Variants in MED12L observed in about 807,000 individuals in gnomAD.
The protein encoded by MED12L is mediator of RNA polymerase II transcription subunit 12-like protein.
Under a neutral mutation model 281.3 loss-of-function variants are expected in MED12L, and 60 were observed. That is an observed-to-expected ratio of 0.21 (90% CI 0.17 to 0.26). The LOEUF is 0.26. Ranked by LOEUF, MED12L falls within the 10% of genes least tolerant of loss-of-function variation. The probability of loss-of-function intolerance (pLI) is 1.00; values close to 1 mark genes in which losing one functional copy is unlikely to be tolerated. For missense variants in MED12L, 2,146 were observed against 2,680.9 expected (o/e 0.80, Z 4.41); for synonymous variants, 974 against 987.2 (o/e 0.99, Z 0.25).
intron 16 of MED12L, chr3:151,340,547 C>G (rs561459975): frequency 6.6e-6 from 1 of 152,666 alleles, no homozygotes; most frequent in South Asian, 2.1e-4. Flanking sequence ...ACACACATAT[C>G]AGAGTGTAAA....
intron 2 of MED12L, among the ~76,000 whole-genome samples, chr3:151,087,892 GTT>G (rs146672788): frequency 1.4e-5 from 2 of 147,094 alleles, no homozygotes; most frequent in East Asian, 4.0e-4. Context: ...CCTTTTTTTT[GTT>G]TTTTTTTTGA....
chr3:151,120,291 G>A (rs1226383702), intron 3 of MED12L, among the ~76,000 whole-genome samples: 3 of 151,800 alleles, frequency 2.0e-5, no homozygotes, highest in South Asian at 2.1e-4. Flanking sequence ...CCTTGTTTGC[G>A]GGAGTACACA....
intron 16 of MED12L, chr3:151,214,425 T>C: frequency 2.1e-6 from 2 of 938,616 alleles, no homozygotes; most frequent in Admixed American, 2.4e-5. Context: ...GGGCAATGAA[T>C]ATAGTCAAAC....
At chr3:151,259,765 A>G (rs1411543488) in intron 16 of MED12L, among the ~76,000 whole-genome samples, 1 of 152,256 alleles carries the variant, frequency 6.6e-6, no homozygotes, top group African/African-American at 2.4e-5. Context: ...ACGAGCTCAT[A>G]GCATTTCCAA....
rs1023038760 is a variant in MED12L, at chr3:151,204,381, A to G, written c.2250+10715A>G. Reference sequence around the variant, plus strand: ...CTAAGGAGACTTTTGAAAAAAATGTAAAGATGCTTATGATGATATTGGTCA... The same window carrying G: ...CTAAGGAGACTTTTGAAAAAAATGTGAAGATGCTTATGATGATATTGGTCA... On this transcript the variant is annotated intron_variant, in intron 16 of 44. Coordinates refer to ENST00000687756, the MANE Select transcript of MED12L (RefSeq NM_001393769.1). 2.0e-5 allele frequency among the ~76,000 whole-genome samples: 3 copies of G among 152,330 alleles called. No individual in the cohort carries two copies. The East Asian group carries it at 5.8e-4, about 29-fold the overall frequency.
At chr3:151,251,134 C>G (rs1198121622) in intron 16 of MED12L, among the ~76,000 whole-genome samples, 1 of 152,186 alleles carries the variant, frequency 6.6e-6, no homozygotes, top group Non-Finnish European at 1.5e-5. Flanking sequence ...GAGCCCCATG[C>G]TTTTGCCTTT....
intron 16 of MED12L, among the ~76,000 whole-genome samples, chr3:151,344,483 G>A (rs1400148485): frequency 6.6e-6 from 1 of 152,004 alleles, no homozygotes; most frequent in Admixed American, 6.6e-5. Flanking sequence ...AGTGTTTTAA[G>A]GCATCTTTTA....
At chr3:151,252,522 A>G (rs1737049858) in intron 16 of MED12L, among the ~76,000 whole-genome samples, 1 of 152,162 alleles carries the variant, frequency 6.6e-6, no homozygotes, top group African/African-American at 2.4e-5. Flanking sequence ...ATTTTTATTC[A>G]TTTAATTAAA....
chr3:151,229,587 T>G (rs959536390), intron 16 of MED12L, among the ~76,000 whole-genome samples: 1 of 151,688 alleles, frequency 6.6e-6, no homozygotes, highest in African/African-American at 2.4e-5. Context: ...CATGCCATTT[T>G]CCTGCCTCAG....
At chr3:151,248,565 A>C (rs991383616) in intron 16 of MED12L, among the ~76,000 whole-genome samples, 3 of 152,260 alleles carry the variant, frequency 2.0e-5, no homozygotes, top group Non-Finnish European at 2.9e-5. Context: ...CACTACCCAC[A>C]TACCCATCCG....
chr3:151,127,994 A>G lies in MED12L; in HGVS notation c.556+10A>G. 1.2e-6 allele frequency: 2 copies of G among 1,607,518 alleles called. No individual in the cohort carries two copies. The highest frequency in any genetic ancestry group is 1.7e-6 in the Non-Finnish European group (2 of 1,175,432). On this transcript the variant is annotated intron_variant, in intron 5 of 44. Coordinates refer to ENST00000687756, the MANE Select transcript of MED12L (RefSeq NM_001393769.1). ...CCTGATCCGAATTTGGGTAAGTGAG[A>G]GAATACAATACACCTTACATTTCAT...
In MED12L at chr3:151,166,075, A is replaced by T. The variant is rs1560112053; in HGVS notation, c.1494+93A>T. The T allele has an allele frequency of 3.7e-6, 4 of 1,081,164 alleles. No individual in the cohort carries two copies. In the African/African-American group the frequency reaches 6.4e-5, roughly 17 times the overall value. The allele number at this position is 1,081,164 out of a possible 1,614,324, so 67.0% of individuals were successfully genotyped here. On this transcript the variant is annotated intron_variant, in intron 11 of 44. Transcript: ENST00000687756. The stretch of plus-strand genomic sequence containing the variant: ...AGGAAACTCTGGCGAAACCTTTTCT[A>T]TGAAGTGTAGTATCTTATGAAGACA...
intron 16 of MED12L, chr3:151,294,903 T>C (rs772681558): frequency 1.1e-4 from 170 of 1,613,924 alleles, no homozygotes; most frequent in Non-Finnish European, 1.4e-4. Context: ...GAAGTGTATC[T>C]GCAGAGAATA....
intron 44 of MED12L, among the ~76,000 whole-genome samples, chr3:151,431,930 A>G (rs1719582773): frequency 6.6e-6 from 1 of 152,226 alleles, no homozygotes; most frequent in African/African-American, 2.4e-5. Flanking sequence ...TAATTTGCCC[A>G]AGGTTTTTCA....
intron 17 of MED12L, among the ~76,000 whole-genome samples, chr3:151,354,197 A>G (rs915762895): frequency 4.0e-5 from 6 of 150,884 alleles, no homozygotes; most frequent in Non-Finnish European, 1.5e-5. Flanking sequence ...ATTATCAATC[A>G]TATATCCAAC....
intron 16 of MED12L, among the ~76,000 whole-genome samples, chr3:151,222,018 C>T (rs1415061262): frequency 1.3e-5 from 2 of 152,204 alleles, no homozygotes; most frequent in South Asian, 4.1e-4. Flanking sequence ...TCTTGCATTG[C>T]GTGACCTGGG....
chr3:151,195,749 A>G (rs1331043861), intron 16 of MED12L, among the ~76,000 whole-genome samples: 1 of 152,224 alleles, frequency 6.6e-6, no homozygotes, highest in East Asian at 1.9e-4. Flanking sequence ...TAATATACCA[A>G]TGTTAACTTC....
intron 2 of MED12L, among the ~76,000 whole-genome samples, chr3:151,113,575 A>G (rs1427781700): frequency 6.6e-6 from 1 of 152,230 alleles, no homozygotes. Context: ...TGCATTGCGT[A>G]AGCATGAGAT....
chr3:151,299,955 G>A (rs1745675534), intron 16 of MED12L: 2 of 768,656 alleles, frequency 2.6e-6, no homozygotes, highest in East Asian at 5.0e-5. Context: ...CTAAATGCTG[G>A]TTTATTTTGT....
Sources: allele counts gnomAD v4.1 joint callset (sites outside exome capture counted in the v4.1 genomes callset), GRCh38; gene constraint gnomAD v4.1.1; transcripts MANE v1.5; gene names NCBI Gene and HGNC (gene_info 2026-07-23, HGNC 2026-07-21).